The following FGF11 variants were observed in gnomAD, a reference collection of about 807,000 sequenced individuals.
FGF11 encodes fibroblast growth factor homologous factor 3.
In FGF11, 25 loss-of-function variants were observed where a neutral mutation model predicts 25.1. That is an observed-to-expected ratio of 1.00 (90% CI 0.73 to 1.39). FGF11 has a LOEUF of 1.39. FGF11 is among the 40% of genes most tolerant of loss of function. FGF11 has a pLI of 0.00. For synonymous variants in FGF11, 130 were observed against 128.9 expected (o/e 1.01, Z -0.06); for missense variants, 320 against 311.0 (o/e 1.03, Z -0.22).
chr17:7,442,999 T>A (rs1908404553), intron 4 of FGF11, 77 bp from the exon 5 acceptor site: 2 of 1,284,696 alleles, frequency 1.6e-6, no homozygotes. Context: ...AAGGGAGCCC[T>A]TTTGGAGCAC....
In FGF11 at chr17:7,441,819, C is replaced by T; in HGVS notation, c.348C>T (p.Ile116=). The T allele has an allele frequency of 6.2e-7, 1 of 1,612,776 alleles. No homozygotes were observed. The highest frequency in any genetic ancestry group is 1.1e-5 in the South Asian group (1 of 90,856). ...LIPVGLRVVT[I]QSAKLGHYMA... is the part of the protein sequence containing the mutation. ...CTGTGGGCCTCCGTGTGGTCACCAT[C>T]CAGAGCGCCAAGCTGGGTCACTACA... The change falls in exon 3 of 5, where the codon ATC becomes ATT. Residue 116 remains isoleucine, a synonymous_variant. Coordinates refer to ENST00000293829, the MANE Select transcript of FGF11 (RefSeq NM_004112.4).
At position 7,442,505 on chromosome 17, in the gene FGF11, T is replaced by C. The variant is rs1409203540; in HGVS notation, c.409-89T>C. On this transcript the variant is annotated intron_variant, in intron 3 of 4. Transcript: ENST00000293829. ...GTCCTCCCCCTCCCCCAAAAAGGAT[T>C]TGTGCTTTCCATGAGCTCCTTTCTG... 11 of 1,198,308 alleles carry C rather than the reference T, an allele frequency of 9.2e-6. No homozygotes were observed. In the East Asian group the frequency reaches 1.6e-4, roughly 17 times the overall value. The allele number at this position is 1,198,308 out of a possible 1,614,324, so 74.2% of individuals were successfully genotyped here.
Position 7,444,298 on chromosome 17 carries a change from A to G in FGF11, c.*1152A>G, listed in dbSNP as rs1253771540. On this transcript the variant is annotated 3_prime_UTR_variant, in exon 5 of 5. Coordinates refer to ENST00000293829, the MANE Select transcript of FGF11 (RefSeq NM_004112.4). ...GGGGAGGGGTCAAAATTATGGCATG[A>G]CTGAACCTGCATCTGTGTTGGGTGG... The G allele has an allele frequency of 6.6e-6, 1 of 152,618 alleles. No homozygotes were observed. Among genetic ancestry groups the G allele is most frequent in the Non-Finnish European group, 1.5e-5 (1 of 68,038 alleles). The allele number at this position is 152,618 out of a possible 1,614,324, so 9.5% of individuals were successfully genotyped here. A position where few individuals can be genotyped will look rare whatever the true frequency, so the allele number is the denominator to read the frequency against.
At position 7,440,997 on chromosome 17, in the gene FGF11, G is replaced by A. The variant is rs571213167; in HGVS notation, c.194-474G>A. 3.0e-6 allele frequency: 3 copies of A among 989,164 alleles called. No individual in the cohort carries two copies. The highest frequency in any genetic ancestry group is 1.0e-4 in the East Asian group (1 of 9,832). 61.3% of individuals were successfully genotyped at this position (989,164 alleles called of 1,614,324 possible). On this transcript the variant is annotated intron_variant, in intron 1 of 4. Coordinates refer to ENST00000293829, the MANE Select transcript of FGF11 (RefSeq NM_004112.4). This position sits in a 1 kb window ranked among gnomAD's most constrained non-coding sequence, Gnocchi z 5.4. The stretch of plus-strand genomic sequence containing the variant: ...GGCTCTCGCCAAGCTAGCGGCAGCC[G>A]CAGCAGGTGCTGAGTCAGCGTCAGG...
chr17:7,441,471 A>G lies in FGF11; in HGVS notation c.194A>G (p.Glu65Gly). ...GRPARPDRGP[E>G]PQLKGIVTKL... ...CAAAGATGAATGTCTCTCTCTCCAG[A>G]GCCTCAGCTCAAAGGCATCGTCACC... The change falls in exon 2 of 5, where the codon GAG (glutamate) becomes GGG (glycine). Residue 65 changes from glutamate (E) to glycine (G), a missense_variant and splice_region_variant. Coordinates refer to ENST00000293829, the MANE Select transcript of FGF11 (RefSeq NM_004112.4). 6.2e-7 allele frequency: 1 copy of G among 1,614,050 alleles called. No individual in the cohort carries two copies. Among genetic ancestry groups the G allele is most frequent in the South Asian group, 1.1e-5 (1 of 91,076 alleles).
Position 7,443,418 on chromosome 17 carries a change from A to T in FGF11, c.*272A>T. 1 of 405,366 alleles carries T rather than the reference A, an allele frequency of 2.5e-6. No individual in the cohort carries two copies. Among genetic ancestry groups the T allele is most frequent in the Non-Finnish European group, 4.4e-6 (1 of 227,098 alleles). 25.1% of individuals were successfully genotyped at this position (405,366 alleles called of 1,614,324 possible). On this transcript the variant is annotated 3_prime_UTR_variant, in exon 5 of 5. Coordinates refer to ENST00000293829, the MANE Select transcript of FGF11 (RefSeq NM_004112.4). ...ACTTCTTTCTTTCCACACTCACACA[A>T]CGCCATGCCTTTTCCTGAGATGGCG...
chr17:7,444,785 T>C lies in FGF11; in HGVS notation c.*1639T>C, dbSNP rs1908512147. ...GGCTCCAAGGCAGGTCACTTTTCCT[T>C]AGGCTGTTCTACTTCTGGCTTGTTG... On this transcript the variant is annotated 3_prime_UTR_variant, in exon 5 of 5. Transcript: ENST00000293829. 1 of 435,812 alleles carries C rather than the reference T, an allele frequency of 2.3e-6. No individual in the cohort carries two copies. The highest frequency in any genetic ancestry group is 4.2e-6 in the Non-Finnish European group (1 of 237,076). The allele number at this position is 435,812 out of a possible 1,614,324, so 27.0% of individuals were successfully genotyped here.
intron 1 of FGF11, chr17:7,441,025 C>A (rs1908299088): frequency 1.1e-6 from 1 of 886,016 alleles, no homozygotes; most frequent in Non-Finnish European, 1.4e-6. Flanking sequence ...GCGTCAGGCC[C>A]AGTCCCACCC....
rs866337216 is a variant in FGF11, at chr17:7,439,717, C to T, written c.97C>T (p.Arg33Cys). Residue 33 changes from arginine (R) to cysteine (C), a missense_variant, in exon 1 of 5, where the codon CGC becomes TGC. Coordinates refer to ENST00000293829, the MANE Select transcript of FGF11 (RefSeq NM_004112.4). ...PVSAQRRVCPRGTKSLCQKQL... is the reference protein window; with the variant it reads ...PVSAQRRVCPCGTKSLCQKQL... ...GTCGGCGCAGCGGCGCGTGTGTCCC[C>T]GCGGCACCAAGTCCCTTTGCCAGAA... 6.4e-7 allele frequency: 1 copy of T among 1,572,232 alleles called. No individual in the cohort carries two copies.
Position 7,439,693 on chromosome 17 carries a change from T to TCC in FGF11, c.74_75insCC (p.Ala26ArgfsTer82). 6.4e-7 allele frequency: 1 copy of TCC among 1,555,570 alleles called. No individual in the cohort carries two copies. The highest frequency in any genetic ancestry group is 8.6e-7 in the Non-Finnish European group (1 of 1,157,202). ...CGAGCCCGGGGGCAGCCGGCCGGTG[T>TCC]CGGCGCAGCGGCGCGTGTGTCCCCG... On this transcript the variant is annotated frameshift_variant, in exon 1 of 5. Transcript: ENST00000293829. LOFTEE classifies it high-confidence loss of function.
Position 7,439,810 on chromosome 17 carries a change from C to T in FGF11, c.190C>T (p.Pro64Ser). Reference protein sequence around the residue: ...GGRPARPDRGPEPQLKGIVTK... With the variant: ...GGRPARPDRGSEPQLKGIVTK... Reference sequence around the variant, plus strand: ...GCGGCCCGCGCGGCCGGACCGCGGCCCGGGTGAGTGCGGCTGGGGCGGGGT... The same window carrying T: ...GCGGCCCGCGCGGCCGGACCGCGGCTCGGGTGAGTGCGGCTGGGGCGGGGT... Residue 64 changes from proline (P) to serine (S), a missense_variant, in exon 1 of 5, where the codon CCG (proline) becomes TCG (serine). By Grantham distance (74) the Pro-to-Ser change is moderately conservative. Transcript: ENST00000293829. 1 of 1,436,112 alleles carries T rather than the reference C, an allele frequency of 7.0e-7. No homozygotes were observed. The highest frequency in any genetic ancestry group is 9.1e-7 in the Non-Finnish European group (1 of 1,101,384). 89.0% of individuals were successfully genotyped at this position (1,436,112 alleles called of 1,614,324 possible). A position where few individuals can be genotyped will look rare whatever the true frequency, so the allele number is the denominator to read the frequency against.
At position 7,442,629 on chromosome 17, in the gene FGF11, T is replaced by G. The variant is rs370683367; in HGVS notation, c.444T>G (p.Cys148Trp). ...CAGCTGAGTGTCGCTTTAAGGAGTG[T>G]GTCTTTGAGAATTACTACGTCCTGT... is the stretch of plus-strand genomic sequence containing the variant. ...HFTAECRFKE[C>W]VFENYYVLYA... is the part of the protein sequence containing the mutation. Residue 148 changes from cysteine (C) to tryptophan (W), a missense_variant, in exon 4 of 5, where the codon TGT becomes TGG. By Grantham distance (215) the Cys-to-Trp change is radical. Coordinates refer to ENST00000293829, the MANE Select transcript of FGF11 (RefSeq NM_004112.4). 1.1e-5 allele frequency: 17 copies of G among 1,614,100 alleles called. No homozygotes were observed. The highest frequency in any genetic ancestry group is 1.7e-5 in the Admixed American group (1 of 60,004).
rs1908293322 is a variant in FGF11, at chr17:7,440,918, A to G, written c.194-553A>G. The stretch of plus-strand genomic sequence containing the variant: ...GGAGCCAGCGGACTGACAGACAGAC[A>G]GACAGACAGACAGATGGGTCAGTGT... On this transcript the variant is annotated intron_variant, in intron 1 of 4. Transcript: ENST00000293829. The surrounding 1 kb of genome is among the most constrained non-coding windows in gnomAD (Gnocchi z 5.4). The G allele has an allele frequency of 1.0e-6, 1 of 990,846 alleles. No individual in the cohort carries two copies. 61.4% of individuals were successfully genotyped at this position (990,846 alleles called of 1,614,324 possible). A position where few individuals can be genotyped will look rare whatever the true frequency, so the allele number is the denominator to read the frequency against.
rs539573268 is a variant in FGF11, at chr17:7,444,108, T to A, written c.*962T>A. The A allele has an allele frequency of 3.5e-4, 54 of 152,368 alleles. No individual in the cohort carries two copies. The highest frequency in any genetic ancestry group is 1.3e-3 in the African/African-American group (52 of 41,572). 9.4% of individuals were successfully genotyped at this position (152,368 alleles called of 1,614,324 possible). On this transcript the variant is annotated 3_prime_UTR_variant, in exon 5 of 5. Transcript: ENST00000293829. ...AGAACCATTTCTTGTTTTTCCTAGATAATTCTCTAAAAATATGATTCTTCC... is the reference window on the plus strand; with the variant it reads ...AGAACCATTTCTTGTTTTTCCTAGAAAATTCTCTAAAAATATGATTCTTCC...
At chr17:7,439,293 T>G, upstream of FGF11, 1 of 255,968 alleles carries the variant, frequency 3.9e-6, no homozygotes, top group Non-Finnish European at 7.4e-6. Context: ...GGGTCTTGGC[T>G]TTGGGATAGG....
Position 7,442,760 on chromosome 17 carries a change from C to T in FGF11, c.575C>T (p.Ala192Val), listed in dbSNP as rs151198463. 7.4e-6 allele frequency: 12 copies of T among 1,613,996 alleles called. No homozygotes were observed. The highest frequency in any genetic ancestry group is 1.3e-5 in the African/African-American group (1 of 74,920). ...MKGNRVKKTK[A>V]AAHFLPKLLE... is the part of the protein sequence containing the mutation. ...GGAAACCGAGTTAAGAAGACCAAGGCAGCTGCCCACTTTCTGCCCAAGCTC... is the reference window on the plus strand; with the variant it reads ...GGAAACCGAGTTAAGAAGACCAAGGTAGCTGCCCACTTTCTGCCCAAGCTC... Residue 192 changes from alanine to valine, a missense_variant, in exon 4 of 5, where the codon GCA becomes GTA. By Grantham distance (64) the Ala-to-Val change is moderately conservative. Transcript: ENST00000293829.
At chr17:7,442,286 T>A in intron 3 of FGF11, 1 of 366,894 alleles carries the variant, frequency 2.7e-6, no homozygotes, top group Non-Finnish European at 4.7e-6. Flanking sequence ...TTTTTTTAAA[T>A]AGTGACAGGG....
rs1382316079 is a variant in FGF11 at position 7,439,702 on chromosome 17, C to A, written c.82C>A (p.Arg28=). Residue 28 remains arginine (R), a synonymous_variant, in exon 1 of 5, where the codon CGG becomes AGG. Coordinates refer to ENST00000293829, the MANE Select transcript of FGF11 (RefSeq NM_004112.4). Reference sequence around the variant, plus strand: ...GGGCAGCCGGCCGGTGTCGGCGCAGCGGCGCGTGTGTCCCCGCGGCACCAA... The same window carrying A: ...GGGCAGCCGGCCGGTGTCGGCGCAGAGGCGCGTGTGTCCCCGCGGCACCAA... The part of the protein sequence containing the change: ...PGGSRPVSAQ[R]RVCPRGTKSL... 2.6e-6 allele frequency: 4 copies of A among 1,564,042 alleles called. No individual in the cohort carries two copies. Among genetic ancestry groups the A allele is most frequent in the Non-Finnish European group, 3.4e-6 (4 of 1,160,574 alleles).
intron 1 of FGF11, 49 bp downstream of exon 1, chr17:7,439,862 G>GCCTCAATCTCCCAGGCA: frequency 7.4e-7 from 1 of 1,360,198 alleles, no homozygotes; most frequent in Non-Finnish European, 9.5e-7. Flanking sequence ...TCTCTGCCTG[G>GCCTCAATCTCCCAGGCA]GAGATTGAGG....
Sources: allele counts gnomAD v4.1 joint callset, GRCh38; gene constraint gnomAD v4.1.1; non-coding constraint Gnocchi (gnomAD v3.1); transcripts MANE v1.5; gene names NCBI Gene and HGNC (gene_info 2026-07-23, HGNC 2026-07-21).